The following RHBDL3 variants were observed in gnomAD, a reference collection of about 807,000 sequenced individuals.
The protein encoded by RHBDL3 is rhomboid like 3.
A neutral mutation model predicts 48.2 loss-of-function variants in RHBDL3; 28 were observed. The observed-to-expected ratio is 0.58, with a 90% CI of 0.43 to 0.80. The LOEUF is 0.80. Among genes scored for constraint, RHBDL3 ranks in the 30% least tolerant of loss-of-function variants. RHBDL3 has a pLI of 0.00. For synonymous variants in RHBDL3, 208 were observed against 232.3 expected (o/e 0.90, Z 0.95); for missense variants, 464 against 542.7 (o/e 0.85, Z 1.44).
chr17:32,278,563 T>A (rs144296227), intron 2 of RHBDL3, among the ~76,000 whole-genome samples: 1 of 152,342 alleles, frequency 6.6e-6, no homozygotes, highest in Non-Finnish European at 1.5e-5. Context: ...GAGGATTGGA[T>A]GAGGGTCTCT....
At chr17:32,285,582 G>A (rs1024347231) in intron 3 of RHBDL3, among the ~76,000 whole-genome samples, 3 of 152,172 alleles carry the variant, frequency 2.0e-5, no homozygotes, top group African/African-American at 7.2e-5. Flanking sequence ...TTCAGGGGCT[G>A]CTGTGGACTG....
rs369409202 is a variant in RHBDL3, at chr17:32,283,943, G to A, written c.136-716G>A. Among the ~76,000 whole-genome samples, 20 of 152,330 alleles carry A rather than the reference G, an allele frequency of 1.3e-4. 1 individual carries two copies. In the South Asian group the frequency reaches 2.1e-3, roughly 16 times the overall value. ...GCATATCTGAGTAGTCAGGAAGGGT[G>A]AGTCGGAGTCTTCCAGGGAGACGGA... On this transcript the variant is annotated intron_variant, in intron 2 of 8. Transcript: ENST00000269051.
intron 5 of RHBDL3, among the ~76,000 whole-genome samples, chr17:32,297,130 C>T (rs566645423): frequency 1.3e-5 from 2 of 152,010 alleles, no homozygotes; most frequent in East Asian, 3.9e-4. Context: ...GGATTACAGG[C>T]ATGAGCCACC....
At chr17:32,284,440 AG>A in intron 2 of RHBDL3, 1 of 506,804 alleles carries the variant, frequency 2.0e-6, no homozygotes. Context: ...TATCCACGTG[AG>A]ATGGTTGGAT....
At chr17:32,276,898 C>T (rs1340732210) in intron 2 of RHBDL3, among the ~76,000 whole-genome samples, 27 of 112,902 alleles carry the variant, frequency 2.4e-4, no homozygotes, top group Admixed American at 2.0e-3. Context: ...CACCTTACTC[C>T]GGCCCTAGCA....
rs780620767 is a variant in RHBDL3, at chr17:32,321,043, C to T, written c.1029C>T (p.His343=). 3.7e-6 allele frequency: 6 copies of T among 1,614,222 alleles called. No homozygotes were observed. The highest frequency in any genetic ancestry group is 1.6e-4 in the Middle Eastern group (1 of 6,062). ...PPCPHPSFVA[H]LGGVAVGITL... is the part of the protein sequence containing the mutation. ...GCCCTCACCCAAGCTTTGTGGCGCA[C>T]TTGGGTGGCGTGGCCGTGGGCATCA... The change falls in exon 9 of 9, where the codon CAC becomes CAT. Residue 343 remains histidine, a synonymous_variant. Transcript: ENST00000269051.
intron 5 of RHBDL3, among the ~76,000 whole-genome samples, chr17:32,297,743 T>TCCCACCCTGG (rs1033389732): frequency 1.5e-5 from 2 of 133,188 alleles, no homozygotes; most frequent in Non-Finnish European, 3.1e-5. Flanking sequence ...CAAGTGGTCC[T>TCCCACCCTGG]CCCACCCTGG....
At position 32,269,145 on chromosome 17, in the gene RHBDL3, C is replaced by A. The variant is rs568886959; in HGVS notation, c.135+1220C>A. ...GGAGGATCACTTGAACCCAGTAGTT[C>A]AAGACCAGCCTCGCCAACAAAGTGA... On this transcript the variant is annotated intron_variant, in intron 2 of 8. Coordinates refer to ENST00000269051, the MANE Select transcript of RHBDL3 (RefSeq NM_138328.3). 3.3e-5 allele frequency among the ~76,000 whole-genome samples: 5 copies of A among 152,236 alleles called. No individual in the cohort carries two copies. In the South Asian group the frequency reaches 1.0e-3, roughly 32 times the overall value.
At chr17:32,320,911 C>T (rs2041113123) in intron 8 of RHBDL3, 47 bp from the exon 9 acceptor site, 1 of 1,435,848 alleles carries the variant, frequency 7.0e-7, no homozygotes, top group Non-Finnish European at 9.7e-7. Flanking sequence ...CCCTCAGCCC[C>T]TGCTCAGGGC....
intron 1 of RHBDL3, among the ~76,000 whole-genome samples, chr17:32,266,784 C>G (rs888194569): frequency 6.6e-6 from 1 of 152,216 alleles, no homozygotes; most frequent in Non-Finnish European, 1.5e-5. Flanking sequence ...CCTGCCTTGC[C>G]GCGACACTGA....
rs1192184223 is a variant in RHBDL3 at position 32,292,995 on chromosome 17, A to AG, written c.520-1294dup. ...AGAGTGAGATCCTGTCTCAAAAAAA[A>AG]GGGGGATCATTCTGACACATGCTAC... On this transcript the variant is annotated intron_variant, in intron 4 of 8. Transcript: ENST00000269051. Among the ~76,000 whole-genome samples, 4 of 152,076 alleles carry AG rather than the reference A, an allele frequency of 2.6e-5. No individual in the cohort carries two copies. In the East Asian group the frequency reaches 5.8e-4, roughly 22 times the overall value.
At chr17:32,266,711 C>T (rs1387106186) in intron 1 of RHBDL3, among the ~76,000 whole-genome samples, 1 of 152,210 alleles carries the variant, frequency 6.6e-6, no homozygotes, top group Non-Finnish European at 1.5e-5. Flanking sequence ...AGTCCCCGTC[C>T]CTGGCCATGC....
At chr17:32,295,954 C>T (rs147100219) in intron 5 of RHBDL3, among the ~76,000 whole-genome samples, 9 of 152,150 alleles carry the variant, frequency 5.9e-5, no homozygotes, top group East Asian at 5.8e-4. Flanking sequence ...CAGCCGGGCG[C>T]GGTGGCTCAC....
chr17:32,322,234 T>C lies in RHBDL3; in HGVS notation c.*1005T>C, dbSNP rs1272722529. ...TGCAGGGGGCCCATGTGGGCATCCGTGAGAGGTGGCAGACCGTGGTGTGCT... is the reference window on the plus strand; with the variant it reads ...TGCAGGGGGCCCATGTGGGCATCCGCGAGAGGTGGCAGACCGTGGTGTGCT... On this transcript the variant is annotated 3_prime_UTR_variant, in exon 9 of 9. Coordinates refer to ENST00000269051, the MANE Select transcript of RHBDL3 (RefSeq NM_138328.3). 6.6e-6 allele frequency: 1 copy of C among 152,496 alleles called. No homozygotes were observed. The highest frequency in any genetic ancestry group is 1.5e-5 in the Non-Finnish European group (1 of 68,280). 9.4% of individuals were successfully genotyped at this position (152,496 alleles called of 1,614,324 possible). A position where few individuals can be genotyped will look rare whatever the true frequency, so the allele number is the denominator to read the frequency against.
In RHBDL3 at chr17:32,289,026, A is replaced by T. The variant is rs1294049335; in HGVS notation, c.519+10A>T. ...AGTCACGCTGCTGGAGGCAAGGACA[A>T]GGGTGGGGAGGGGGTTGCTCTGCCT... On this transcript the variant is annotated intron_variant, in intron 4 of 8. Coordinates refer to ENST00000269051, the MANE Select transcript of RHBDL3 (RefSeq NM_138328.3). The T allele has an allele frequency of 6.2e-7, 1 of 1,612,040 alleles. No homozygotes were observed. The highest frequency in any genetic ancestry group is 8.5e-7 in the Non-Finnish European group (1 of 1,178,258).
chr17:32,283,317 C>CTTTTTTTTTT (rs1156849774), intron 2 of RHBDL3, among the ~76,000 whole-genome samples: 25 of 92,948 alleles, frequency 2.7e-4, no homozygotes, highest in Non-Finnish European at 3.8e-4. Flanking sequence ...GCCTTTTCTT[C>CTTTTTTTTTT]TTTTTTTTTT....
At chr17:32,288,766 C>T (rs1367228552) in intron 3 of RHBDL3, 26 bp from the exon 4 acceptor site, 1 of 1,573,388 alleles carries the variant, frequency 6.4e-7, no homozygotes, top group South Asian at 1.1e-5. Context: ...AGCTCTGACC[C>T]TCTCCCCACT....
At chr17:32,305,589 G>C (rs998288899) in intron 7 of RHBDL3, 148 bp downstream of exon 7, 2 of 653,924 alleles carry the variant, frequency 3.1e-6, no homozygotes, top group Non-Finnish European at 5.6e-6. Flanking sequence ...CCCTCTGCAG[G>C]CCCATTTCAA....
At chr17:32,304,459 G>A (rs143876516) in intron 6 of RHBDL3, among the ~76,000 whole-genome samples, 123 of 152,264 alleles carry the variant, frequency 8.1e-4, no homozygotes, top group Admixed American at 2.3e-3. Flanking sequence ...TTTGCATCAG[G>A]CAGACCCAGA....
Sources: gnomAD v4.1 joint callset for allele counts (sites outside exome capture counted in the v4.1 genomes callset) on GRCh38, gnomAD v4.1.1 for gene constraint, MANE v1.5 for transcripts, NCBI Gene and HGNC (gene_info 2026-07-23, HGNC 2026-07-21) for gene names.